The following ABCA2 variants were observed in gnomAD, a reference collection of about 807,000 sequenced individuals.
ABCA2 encodes the protein ATP-binding cassette sub-family A member 2.
ABCA2 carries 84 observed loss-of-function variants against 262.8 expected under a neutral mutation model. That is an observed-to-expected ratio of 0.32 (90% CI 0.27 to 0.38). ABCA2 has a LOEUF of 0.38. ABCA2 is among the 10% of genes least tolerant of loss of function. The pLI, the probability that ABCA2 is intolerant of heterozygous loss-of-function variation, is 1.00. For missense variants in ABCA2, 2,662 were observed against 3,405.9 expected (o/e 0.78, Z 5.44); for synonymous variants, 1,696 against 1,502.9 (o/e 1.13, Z -2.97).
chr9:137,016,590 C>T lies in ABCA2; in HGVS notation c.2907G>A (p.Met969Ile). 1 of 1,612,246 alleles carries T rather than the reference C, an allele frequency of 6.2e-7. No individual in the cohort carries two copies. Among genetic ancestry groups the T allele is most frequent in the Non-Finnish European group, 8.5e-7 (1 of 1,179,928 alleles). The change falls in exon 20 of 49, where the codon ATG (methionine) becomes ATA (isoleucine). Residue 969 changes from methionine (M) to isoleucine (I), a missense_variant. Physicochemically the swap from Met to Ile is conservative, Grantham distance 10. Around this residue, in one of 12 missense-constraint regions of ABCA2, gnomAD observed 133 missense variants for 150.8 expected, o/e 0.88. Transcript: ENST00000341511. ...SVMEEDQACA[M>I]ESRRFEETRG... ...CAGCCTCACCAAAGCGCCGGCTCTC[C>T]ATGGCACAGGCCTGGTCCTCCTCCA...
rs894073564 is a variant in ABCA2 at position 137,011,832 on chromosome 9, C to T, written c.5535+12G>A. 7.6e-6 allele frequency: 12 copies of T among 1,568,994 alleles called. No individual in the cohort carries two copies. The highest frequency in any genetic ancestry group is 2.7e-5 in the African/African-American group (2 of 73,756). On this transcript the variant is annotated intron_variant, in intron 35 of 48. Coordinates refer to ENST00000341511, the MANE Select transcript of ABCA2 (RefSeq NM_001606.5). The surrounding 1 kb of genome is among the most constrained non-coding windows in gnomAD (Gnocchi z 8.8). The stretch of plus-strand genomic sequence containing the variant: ...GAAGGGCCGGGGCACCCCATGGCCA[C>T]GCCGGGCGCACCATGTCCCACACGT...
At chr9:137,022,031 G>GGGGTGTGGCTCAGATGC in intron 6 of ABCA2, 30 bp from the exon 7 acceptor site, 2 of 1,351,520 alleles carry the variant, frequency 1.5e-6, no homozygotes, top group South Asian at 1.3e-5. Context: ...GGCTCAGATG[G>GGGGTGTGGCTCAGATGC]GGTGTGGGGG....
Position 137,010,957 on chromosome 9 carries a change from C to T in ABCA2, c.6056+16G>A, listed in dbSNP as rs763726742. 4.2e-5 allele frequency: 58 copies of T among 1,378,712 alleles called. No homozygotes were observed. Among genetic ancestry groups the T allele is most frequent in the Non-Finnish European group, 5.4e-5 (54 of 1,005,284 alleles). 85.4% of individuals were successfully genotyped at this position (1,378,712 alleles called of 1,614,324 possible). A position where few individuals can be genotyped will look rare whatever the true frequency, so the allele number is the denominator to read the frequency against. On this transcript the variant is annotated intron_variant, in intron 39 of 48. Transcript: ENST00000341511. ...TGCTCCCGCCCCGCCCCCGCCCCAC[C>T]CCGCCCCCCACTCACTGTGGCCGCC... is the stretch of plus-strand genomic sequence containing the variant.
At position 137,010,139 on chromosome 9, in the gene ABCA2, G is replaced by T. The variant is rs1046746256; in HGVS notation, c.6354-15C>A. 2.5e-6 allele frequency: 4 copies of T among 1,591,294 alleles called. No homozygotes were observed. Among genetic ancestry groups the T allele is most frequent in the South Asian group, 1.1e-5 (1 of 89,926 alleles). The stretch of plus-strand genomic sequence containing the variant: ...CCTTCAGCACGCTGGGGACACGGCA[G>T]CTGTCAGCGCGTGAGGACGCGGCGG... On this transcript the variant is annotated splice_polypyrimidine_tract_variant and intron_variant, in intron 41 of 48. Coordinates refer to ENST00000341511, the MANE Select transcript of ABCA2 (RefSeq NM_001606.5).
At chr9:137,027,231 C>T (rs1216403040) in intron 1 of ABCA2, among the ~76,000 whole-genome samples, 2 of 152,230 alleles carry the variant, frequency 1.3e-5, no homozygotes, top group African/African-American at 4.8e-5. Flanking sequence ...TGGAGCCAAG[C>T]TGGCCAGCTG....
At chr9:137,018,136 C>G (rs1435574995) in intron 14 of ABCA2, 42 bp downstream of exon 14, 2 of 1,609,982 alleles carry the variant, frequency 1.2e-6, no homozygotes, top group Admixed American at 3.3e-5. Context: ...ACCTGTCCTC[C>G]CCCATGAATC....
intron 1 of ABCA2, among the ~76,000 whole-genome samples, chr9:137,026,691 C>A (rs1309250892): frequency 6.6e-6 from 1 of 152,226 alleles, no homozygotes; most frequent in African/African-American, 2.4e-5. Context: ...AGGCCACACT[C>A]CCTTCCCTGA....
Position 137,010,607 on chromosome 9 carries a change from G to C in ABCA2, c.6174+13C>G. ...ACCCCACCCAGGCCCCACCCTACATGCCCAGAGCCCACCTTGGTCAGGTTC... is the reference window on the plus strand; with the variant it reads ...ACCCCACCCAGGCCCCACCCTACATCCCCAGAGCCCACCTTGGTCAGGTTC... On this transcript the variant is annotated intron_variant, in intron 40 of 48. Coordinates refer to ENST00000341511, the MANE Select transcript of ABCA2 (RefSeq NM_001606.5). 1 of 651,426 alleles carries C rather than the reference G, an allele frequency of 1.5e-6. No individual in the cohort carries two copies. The highest frequency in any genetic ancestry group is 2.7e-6 in the Non-Finnish European group (1 of 368,176). The allele number at this position is 651,426 out of a possible 1,614,324, so 40.4% of individuals were successfully genotyped here.
At position 137,011,566 on chromosome 9, in the gene ABCA2, T is replaced by G. The variant is rs776918309; in HGVS notation, c.5652-12A>C. On this transcript the variant is annotated splice_polypyrimidine_tract_variant and intron_variant, in intron 36 of 48. Transcript: ENST00000341511. This position sits in a 1 kb window ranked among gnomAD's most constrained non-coding sequence, Gnocchi z 8.8. ...GCGTGATGGACCACCTGCGGGCAGG[T>G]GGCGGGCAGTGGTCACCAGGCAGCC... 35 of 1,567,626 alleles carry G rather than the reference T, an allele frequency of 2.2e-5. No homozygotes were observed. Among genetic ancestry groups the G allele is most frequent in the South Asian group, 1.5e-4 (13 of 86,014 alleles).
At position 137,016,268 on chromosome 9, in the gene ABCA2, C is replaced by T. The variant is rs370705067; in HGVS notation, c.3104+23G>A. 6.3e-5 allele frequency: 101 copies of T among 1,611,682 alleles called. 1 individual carries two copies. The highest frequency in any genetic ancestry group is 4.0e-4 in the Admixed American group (24 of 59,878). ...CCTGCTCTGGTCAGCAGATGCCCAC[C>T]GCCCTGCCCCTCCGACACTCACATG... On this transcript the variant is annotated intron_variant, in intron 21 of 48. Transcript: ENST00000341511.
At chr9:137,024,032 AC>A in intron 2 of ABCA2, 110 bp downstream of exon 2, 2 of 1,514,038 alleles carry the variant, frequency 1.3e-6, no homozygotes, top group Non-Finnish European at 1.8e-6. Context: ...CAGGCACCGC[AC>A]CTCAGGGACT....
intron 9 of ABCA2, 66 bp from the exon 10 acceptor site, chr9:137,020,561 A>C: frequency 1.3e-6 from 2 of 1,544,410 alleles, no homozygotes; most frequent in Non-Finnish European, 1.7e-6. Flanking sequence ...TGGGAGGGGC[A>C]TCGGGATGGG....
chr9:137,011,772 TGA>T lies in ABCA2; in HGVS notation c.5536-25_5536-24del. 6.5e-7 allele frequency: 1 copy of T among 1,527,654 alleles called. No homozygotes were observed. The highest frequency in any genetic ancestry group is 8.8e-7 in the Non-Finnish European group (1 of 1,131,662). 94.6% of individuals were successfully genotyped at this position (1,527,654 alleles called of 1,614,324 possible). Reference sequence around the variant, plus strand: ...GAGCTGCAGGGGTGGGGGCGGCTGGTGAGAGACCCGGGGCAGGGCGGGGATGG... The same window carrying T: ...GAGCTGCAGGGGTGGGGGCGGCTGGTGAGACCCGGGGCAGGGCGGGGATGG... On this transcript the variant is annotated intron_variant, in intron 35 of 48. Coordinates refer to ENST00000341511, the MANE Select transcript of ABCA2 (RefSeq NM_001606.5). This position sits in a 1 kb window ranked among gnomAD's most constrained non-coding sequence, Gnocchi z 8.8.
At chr9:137,022,641 C>G in intron 5 of ABCA2, 61 bp downstream of exon 5, 2 of 1,573,168 alleles carry the variant, frequency 1.3e-6, no homozygotes, top group Non-Finnish European at 1.7e-6. Flanking sequence ...TGGGCTTCAG[C>G]CCAGTGACAG....
Position 137,012,103 on chromosome 9 carries a change from G to A in ABCA2, c.5359C>T (p.Leu1787=), listed in dbSNP as rs763104359. 3.1e-6 allele frequency: 5 copies of A among 1,612,554 alleles called. No individual in the cohort carries two copies. In the Admixed American group the frequency reaches 6.7e-5, roughly 22 times the overall value. ...KTSASLSLDY[L]LQGTDVVIAI... is the part of the protein sequence containing the mutation. The stretch of plus-strand genomic sequence containing the variant: ...TCATCCCCCACTGGCCACACTTACA[G>A]GTAATCCAGGGAGAGGCTGGCGCTG... The change falls in exon 34 of 49, where the codon CTG becomes TTG. Residue 1787 remains leucine, a splice_region_variant and synonymous_variant. Transcript: ENST00000341511.
chr9:137,011,471 T>G lies in ABCA2; in HGVS notation c.5735A>C (p.Asn1912Thr). The change falls in exon 37 of 49, where the codon AAT becomes ACT. Residue 1912 changes from asparagine (N) to threonine (T), a missense_variant. Coordinates refer to ENST00000341511, the MANE Select transcript of ABCA2 (RefSeq NM_001606.5). The surrounding 1 kb of genome is among the most constrained non-coding windows in gnomAD (Gnocchi z 8.8). ...SSAYVFLIVI[N>T]LFIGITATVA... ...GGTGGCGGTGATGCCGATGAAGAGA[T>G]TGATGACAATGAGGAACACGTAGGC... The G allele has an allele frequency of 6.2e-7, 1 of 1,610,260 alleles. No homozygotes were observed. The highest frequency in any genetic ancestry group is 8.5e-7 in the Non-Finnish European group (1 of 1,178,842).
Position 137,021,075 on chromosome 9 carries a change from G to T in ABCA2, c.898-14C>A. On this transcript the variant is annotated splice_polypyrimidine_tract_variant and intron_variant, in intron 8 of 48. Coordinates refer to ENST00000341511, the MANE Select transcript of ABCA2 (RefSeq NM_001606.5). The surrounding 1 kb of genome is among the most constrained non-coding windows in gnomAD (Gnocchi z 6.0). ...ATCCAGGCCCAGCTGAGGGGAAACA[G>T]GCACGTGGGCAGTGCGGGGTGAGAT... 2.0e-6 allele frequency: 3 copies of T among 1,469,210 alleles called. No individual in the cohort carries two copies. Among genetic ancestry groups the T allele is most frequent in the Admixed American group, 2.6e-5 (1 of 38,362 alleles). 91.0% of individuals were successfully genotyped at this position (1,469,210 alleles called of 1,614,324 possible). A position where few individuals can be genotyped will look rare whatever the true frequency, so the allele number is the denominator to read the frequency against.
intron 24 of ABCA2, 116 bp downstream of exon 24, chr9:137,015,298 G>C: frequency 1.5e-6 from 2 of 1,318,702 alleles, no homozygotes; most frequent in South Asian, 1.5e-5. Flanking sequence ...GGCCCCAGCA[G>C]GCATCCTGGG....
chr9:137,009,626 T>C lies in ABCA2; in HGVS notation c.6649A>G (p.Met2217Val). 6.2e-7 allele frequency: 1 copy of C among 1,612,892 alleles called. No homozygotes were observed. Among genetic ancestry groups the C allele is most frequent in the Non-Finnish European group, 8.5e-7 (1 of 1,179,896 alleles). Residue 2217 changes from methionine (M) to valine (V), a missense_variant, in exon 44 of 49, where the codon ATG (methionine) becomes GTG (valine). Met to Val is a conservative substitution (Grantham distance 21). Around this residue, in one of 12 missense-constraint regions of ABCA2, gnomAD observed 602 missense variants for 897.4 expected, o/e 0.67. Coordinates refer to ENST00000341511, the MANE Select transcript of ABCA2 (RefSeq NM_001606.5). ...AGGAAGCGCCGGGCCTTGGGGTCCA[T>C]GCCTGTGGTGGGCTCGTCCTGGGGA... Reference protein sequence around the residue: ...FIFLDEPTTGMDPKARRFLWN... With the variant: ...FIFLDEPTTGVDPKARRFLWN...
Sources: allele counts gnomAD v4.1 joint callset (sites outside exome capture counted in the v4.1 genomes callset), GRCh38; gene constraint gnomAD v4.1.1; regional missense constraint gnomAD v4.1.1; non-coding constraint Gnocchi (gnomAD v3.1); transcripts MANE v1.5; gene names NCBI Gene and HGNC (gene_info 2026-07-23, HGNC 2026-07-21).